The following HECW1 variants were observed in gnomAD, a reference collection of about 807,000 sequenced individuals.
The protein encoded by HECW1 is HECT, C2 and WW domain containing E3 ubiquitin protein ligase 1, also known as E3 ubiquitin-protein ligase HECW1.
HECW1 carries 61 observed loss-of-function variants against 182.3 expected under a neutral mutation model. That is an observed-to-expected ratio of 0.33 (90% confidence interval 0.27 to 0.41). The LOEUF (loss-of-function observed/expected upper bound fraction) is 0.41, where lower values mean the gene tolerates loss of function less well. HECW1 is among the 10% of genes least tolerant of loss of function. HECW1 has a pLI of 1.00. For missense variants in HECW1, 1,739 were observed against 2,108.9 expected (o/e 0.82, Z 3.44); for synonymous variants, 859 against 832.6 (o/e 1.03, Z -0.55).
chr7:43,550,927 G>T (rs982525696), intron 27 of HECW1, among the ~76,000 whole-genome samples: 1 of 152,208 alleles, frequency 6.6e-6, no homozygotes, highest in Non-Finnish European at 1.5e-5. Flanking sequence ...TTCAGTCAAT[G>T]AAACAAAAAT....
At chr7:43,449,459 A>G (rs1584943321) in intron 11 of HECW1, among the ~76,000 whole-genome samples, 1 of 152,232 alleles carries the variant, frequency 6.6e-6, no homozygotes, top group African/African-American at 2.4e-5. Flanking sequence ...TCTGTTTGCC[A>G]GTGAGCTCTA....
Position 43,563,732 on chromosome 7 carries a change from G to A in HECW1, c.*1806G>A, listed in dbSNP as rs2082268289. ...AAAAATACAAAAATTAGCCGGGCGT[G>A]ATGGCACATGCCGGTAGTCCCAGCT... On this transcript the variant is annotated 3_prime_UTR_variant, in exon 30 of 30. Transcript: ENST00000395891. 3 of 175,664 alleles carry A rather than the reference G, an allele frequency of 1.7e-5. No individual in the cohort carries two copies. Among genetic ancestry groups the A allele is most frequent in the African/African-American group, 4.7e-5 (2 of 42,186 alleles). The allele number at this position is 175,664 out of a possible 1,614,324, so 10.9% of individuals were successfully genotyped here.
chr7:43,469,561 G>A (rs1215327222), intron 16 of HECW1, among the ~76,000 whole-genome samples: 1 of 152,160 alleles, frequency 6.6e-6, no homozygotes, highest in Non-Finnish European at 1.5e-5. Flanking sequence ...TACACCTTAA[G>A]TTTTCTGTAA....
At chr7:43,315,465 GTTATTATTATTATTA>G (rs58930495) in intron 4 of HECW1, among the ~76,000 whole-genome samples, 1 of 131,154 alleles carries the variant, frequency 7.6e-6, no homozygotes, top group African/African-American at 4.1e-5. Flanking sequence ...CATTATTATT[GTTATTATTATTATTA>G]TTATTATTAT....
At chr7:43,114,632 G>A (rs1304346918) in intron 2 of HECW1, among the ~76,000 whole-genome samples, 2 of 152,166 alleles carry the variant, frequency 1.3e-5, no homozygotes, top group African/African-American at 2.4e-5. Context: ...CAGGCAAATT[G>A]GCCGTTCTAG....
chr7:43,172,811 C>G (rs1343322326), intron 2 of HECW1, among the ~76,000 whole-genome samples: 1 of 152,164 alleles, frequency 6.6e-6, no homozygotes, highest in Admixed American at 6.5e-5. Flanking sequence ...GCATTGTAAG[C>G]GATCCTTGGA....
chr7:43,153,256 C>G (rs1021831754), intron 2 of HECW1, among the ~76,000 whole-genome samples: 1 of 151,954 alleles, frequency 6.6e-6, no homozygotes, highest in African/African-American at 2.4e-5. Flanking sequence ...ATTTTCTTGT[C>G]CTTGTGAAAT....
At chr7:43,415,138 T>G (rs1356533068) in intron 8 of HECW1, among the ~76,000 whole-genome samples, 1 of 151,806 alleles carries the variant, frequency 6.6e-6, no homozygotes, top group Non-Finnish European at 1.5e-5. Context: ...GGTCTTTACA[T>G]TTTGTCATGA....
chr7:43,235,276 A>G (rs1019828666), intron 2 of HECW1, among the ~76,000 whole-genome samples: 2 of 152,208 alleles, frequency 1.3e-5, no homozygotes, highest in Non-Finnish European at 2.9e-5. Context: ...AGGAGTGGCC[A>G]CAGCAGGAGG....
intron 19 of HECW1, among the ~76,000 whole-genome samples, chr7:43,498,237 A>G (rs2079191276): frequency 6.6e-6 from 1 of 152,220 alleles, no homozygotes; most frequent in Non-Finnish European, 1.5e-5. Context: ...GATGTGGTCC[A>G]TATGGTGGTG....
rs567727394 is a variant in HECW1 at position 43,163,430 on chromosome 7, G to C, written c.-32+49039G>C. Among the ~76,000 whole-genome samples, 97 of 152,306 alleles carry C rather than the reference G, an allele frequency of 6.4e-4. 1 individual carries two copies. Among genetic ancestry groups the C allele is most frequent in the African/African-American group, 2.1e-3 (88 of 41,560 alleles). On this transcript the variant is annotated intron_variant, in intron 2 of 29. Coordinates refer to ENST00000395891, the MANE Select transcript of HECW1 (RefSeq NM_015052.5). ...CAAACACCACCCTTGTTCTGTCCGG[G>C]GGGAGGTGCTGCGAAGACTGGGGAG...
At chr7:43,398,017 G>A (rs1469562003) in intron 7 of HECW1, among the ~76,000 whole-genome samples, 1 of 152,210 alleles carries the variant, frequency 6.6e-6, no homozygotes, top group Non-Finnish European at 1.5e-5. Flanking sequence ...AGCACTTTGG[G>A]AGGCCAAGGT....
At chr7:43,555,298 G>A (rs1336280352) in intron 29 of HECW1, among the ~76,000 whole-genome samples, 2 of 152,198 alleles carry the variant, frequency 1.3e-5, no homozygotes, top group African/African-American at 2.4e-5. Context: ...TATTTAGAAA[G>A]CACATCTATT....
At chr7:43,462,952 C>G (rs1176889108) in intron 13 of HECW1, among the ~76,000 whole-genome samples, 2 of 152,186 alleles carry the variant, frequency 1.3e-5, no homozygotes, top group Non-Finnish European at 2.9e-5. Flanking sequence ...GGCTTCTGTC[C>G]CATTTCCCTT....
At chr7:43,499,520 C>A (rs2079254216) in intron 19 of HECW1, among the ~76,000 whole-genome samples, 1 of 151,192 alleles carries the variant, frequency 6.6e-6, no homozygotes, top group Non-Finnish European at 1.5e-5. Flanking sequence ...GAAAATCATC[C>A]ATCTTTTACC....
Position 43,350,252 on chromosome 7 carries a change from TC to T in HECW1, c.461-10632del, listed in dbSNP as rs1366002164. ...AATCTGCTGTCAATCTGATACGTTTTCCTTTATAGTTTACCTGGTGCTTCTA... is the reference window on the plus strand; with the variant it reads ...AATCTGCTGTCAATCTGATACGTTTTCTTTATAGTTTACCTGGTGCTTCTA... On this transcript the variant is annotated intron_variant, in intron 5 of 29. Coordinates refer to ENST00000395891, the MANE Select transcript of HECW1 (RefSeq NM_015052.5). 2.6e-5 allele frequency among the ~76,000 whole-genome samples: 4 copies of T among 152,364 alleles called. No homozygotes were observed. The East Asian group carries it at 7.7e-4, about 29-fold the overall frequency.
intron 2 of HECW1, among the ~76,000 whole-genome samples, chr7:43,148,225 G>C (rs920720454): frequency 6.6e-6 from 1 of 152,190 alleles, no homozygotes; most frequent in Non-Finnish European, 1.5e-5. Flanking sequence ...GAGTTCTGGA[G>C]CTGAAATGGA....
intron 3 of HECW1, chr7:43,274,065 G>GT: frequency 3.0e-6 from 1 of 329,270 alleles, no homozygotes. Flanking sequence ...TGACCAGGCT[G>GT]GTCTCGAACT....
At chr7:43,462,453 A>G (rs2077619065) in intron 13 of HECW1, among the ~76,000 whole-genome samples, 1 of 151,864 alleles carries the variant, frequency 6.6e-6, no homozygotes. Flanking sequence ...GGCCAGCAGC[A>G]TCAGGATCAC....
Sources: gnomAD v4.1 joint callset for allele counts (sites outside exome capture counted in the v4.1 genomes callset) on GRCh38, gnomAD v4.1.1 for gene constraint, MANE v1.5 for transcripts, NCBI Gene and HGNC (gene_info 2026-07-23, HGNC 2026-07-21) for gene names.